CNTNAP2: variants seen among roughly 807,000 people sequenced by gnomAD.
CNTNAP2 encodes the protein contactin associated protein 2, also known as contactin-associated protein-like 2.
CNTNAP2 carries 98 observed loss-of-function variants against 155.2 expected under a neutral mutation model. That is an observed-to-expected ratio of 0.63 (90% CI 0.54 to 0.75). CNTNAP2 has a LOEUF of 0.75. CNTNAP2 is among the 30% of genes least tolerant of loss of function. The probability of loss-of-function intolerance (pLI) is 0.00; values close to 1 mark genes in which losing one functional copy is unlikely to be tolerated. For synonymous variants in CNTNAP2, 651 were observed against 631.2 expected (o/e 1.03, Z -0.47); for missense variants, 1,727 against 1,688.1 (o/e 1.02, Z -0.40).
chr7:148,374,407 C>T (rs1798944527), intron 21 of CNTNAP2, among the ~76,000 whole-genome samples: 1 of 152,158 alleles, frequency 6.6e-6, no homozygotes, highest in Non-Finnish European at 1.5e-5. Flanking sequence ...TGTATGAGGT[C>T]AACACCTTTC....
chr7:147,869,001 C>T (rs780563772), intron 13 of CNTNAP2, among the ~76,000 whole-genome samples: 11 of 152,168 alleles, frequency 7.2e-5, no homozygotes, highest in Non-Finnish European at 1.3e-4. Flanking sequence ...AGTCCCAGTG[C>T]GATGAACCAG....
chr7:146,297,965 G>A (rs1800542960), intron 1 of CNTNAP2, among the ~76,000 whole-genome samples: 1 of 152,070 alleles, frequency 6.6e-6, no homozygotes. Context: ...TTTGTTTGAA[G>A]AAATACTCTG....
At chr7:147,510,705 G>C (rs1390591878) in intron 11 of CNTNAP2, among the ~76,000 whole-genome samples, 2 of 151,004 alleles carry the variant, frequency 1.3e-5, no homozygotes, top group African/African-American at 4.9e-5. Flanking sequence ...TAATTCCCAA[G>C]TAGTATGATA....
At chr7:147,680,132 A>AC (rs1312947197) in intron 13 of CNTNAP2, among the ~76,000 whole-genome samples, 2 of 151,984 alleles carry the variant, frequency 1.3e-5, no homozygotes, top group East Asian at 3.9e-4. Flanking sequence ...TTAGACTTGC[A>AC]CAGATCAGAA....
intron 16 of CNTNAP2, among the ~76,000 whole-genome samples, chr7:148,122,259 A>T (rs1389845263): frequency 1.3e-5 from 2 of 152,210 alleles, no homozygotes; most frequent in East Asian, 3.8e-4. Context: ...TCCCAAAGTC[A>T]TTGCTGCTAA....
chr7:147,121,006 G>T lies in CNTNAP2; in HGVS notation c.782G>T (p.Gly261Val), dbSNP rs1801100045. 6.2e-7 allele frequency: 1 copy of T among 1,613,778 alleles called. No homozygotes were observed. Among genetic ancestry groups the T allele is most frequent in the Non-Finnish European group, 8.5e-7 (1 of 1,179,964 alleles). The change falls in exon 6 of 24, where the codon GGC (glycine) becomes GTC (valine). Residue 261 changes from glycine to valine, a missense_variant. Transcript: ENST00000361727. The part of the protein sequence containing the change: ...LGSNQLGPIY[G>V]HTSVMTGSLL... ...AGCAACCAGCTTGGCCCCATATATG[G>T]CCACACATCAGTGATGACAGGAAGT...
At chr7:147,498,012 TAGC>T (rs2116661666) in intron 11 of CNTNAP2, among the ~76,000 whole-genome samples, 1 of 152,260 alleles carries the variant, frequency 6.6e-6, no homozygotes, top group East Asian at 1.9e-4. Context: ...TCCCACAGCA[TAGC>T]AGTTCCAGGA....
At chr7:147,640,163 GAT>G (rs150554246) in intron 13 of CNTNAP2, among the ~76,000 whole-genome samples, 3,167 of 148,068 alleles carry the variant, frequency 0.021, 110 homozygotes, top group African/African-American at 0.072. Context: ...AATATGATAT[GAT>G]ATATATATAT....
At chr7:148,409,304 G>A (rs1423915357) in intron 22 of CNTNAP2, 87 bp from the exon 23 acceptor site, 2 of 1,036,814 alleles carry the variant, frequency 1.9e-6, no homozygotes, top group African/African-American at 3.2e-5. Context: ...AGGAAGTGTT[G>A]AAGAGTTGCA....
chr7:147,142,795 C>T (rs137927661), intron 8 of CNTNAP2, among the ~76,000 whole-genome samples: 1 of 152,250 alleles, frequency 6.6e-6, no homozygotes, highest in East Asian at 1.9e-4. Flanking sequence ...GCATGCCACA[C>T]AAGAACATGC....
chr7:146,388,555 A>G (rs191557178), intron 1 of CNTNAP2, among the ~76,000 whole-genome samples: 70 of 152,306 alleles, frequency 4.6e-4, no homozygotes, highest in Admixed American at 4.5e-3. Context: ...TAAGCACATC[A>G]TGGGGAATGG....
chr7:147,081,692 A>G, intron 4 of CNTNAP2: 1 of 151,338 alleles, frequency 6.6e-6, no homozygotes, highest in Non-Finnish European at 1.5e-5. Flanking sequence ...TGACCTTGTG[A>G]TCTGCCCACC....
chr7:148,024,691 G>A (rs758791947), intron 15 of CNTNAP2, among the ~76,000 whole-genome samples: 5 of 152,106 alleles, frequency 3.3e-5, no homozygotes, highest in African/African-American at 7.2e-5. Flanking sequence ...ATATAATTCT[G>A]TTATAGCATG....
chr7:147,479,386 A>G (rs1798381372), intron 10 of CNTNAP2, among the ~76,000 whole-genome samples: 1 of 152,104 alleles, frequency 6.6e-6, no homozygotes, highest in African/African-American at 2.4e-5. Context: ...TTTGTTTCTC[A>G]GAGTTTGTTT....
chr7:146,580,395 A>G (rs1415534366), intron 1 of CNTNAP2, among the ~76,000 whole-genome samples: 1 of 152,010 alleles, frequency 6.6e-6, no homozygotes, highest in African/African-American at 2.4e-5. Context: ...TAATTGCTAC[A>G]TTGTAAAAGA....
intron 8 of CNTNAP2, among the ~76,000 whole-genome samples, chr7:147,157,975 T>C (rs1329908646): frequency 6.6e-6 from 1 of 152,128 alleles, no homozygotes; most frequent in Non-Finnish European, 1.5e-5. Context: ...TAATTTCACA[T>C]TAAATCAGCA....
At chr7:147,605,388 C>T (rs959622839) in intron 12 of CNTNAP2, among the ~76,000 whole-genome samples, 11 of 152,126 alleles carry the variant, frequency 7.2e-5, no homozygotes, top group African/African-American at 2.7e-4. Flanking sequence ...GCTTATATAA[C>T]ATCCTGAGCT....
Position 146,405,405 on chromosome 7 carries a change from A to G in CNTNAP2, c.97+288432A>G, listed in dbSNP as rs567266035. Among the ~76,000 whole-genome samples the G allele has an allele frequency of 3.3e-5, 5 of 152,354 alleles. No homozygotes were observed. In the East Asian group the frequency reaches 7.7e-4, roughly 24 times the overall value. ...TTGATACCTAACAAAAGTTTGTTAA[A>G]TGAATGCATGTTATGCAATAATAAA... On this transcript the variant is annotated intron_variant, in intron 1 of 23. Coordinates refer to ENST00000361727, the MANE Select transcript of CNTNAP2 (RefSeq NM_014141.6).
chr7:146,249,791 G>A (rs904030729), intron 1 of CNTNAP2, among the ~76,000 whole-genome samples: 5 of 152,046 alleles, frequency 3.3e-5, no homozygotes, highest in African/African-American at 1.2e-4. Context: ...AGAAAACATA[G>A]CATTTTATTT....
Sources: allele counts gnomAD v4.1 joint callset (sites outside exome capture counted in the v4.1 genomes callset), GRCh38; gene constraint gnomAD v4.1.1; transcripts MANE v1.5; gene names NCBI Gene and HGNC (gene_info 2026-07-23, HGNC 2026-07-21).